Variants in ASAP2 observed in about 807,000 individuals in gnomAD.
ASAP2 encodes ArfGAP with SH3 domain, ankyrin repeat and PH domain 2.
In ASAP2, 45 loss-of-function variants were observed where a neutral mutation model predicts 131.4. The observed-to-expected ratio is 0.34, with a 90% CI of 0.27 to 0.44. ASAP2 has a LOEUF of 0.44. Ranked by LOEUF, ASAP2 falls within the 20% of genes least tolerant of loss-of-function variation. The probability of loss-of-function intolerance (pLI) is 1.00; values close to 1 mark genes in which losing one functional copy is unlikely to be tolerated. For missense variants in ASAP2, 1,011 were observed against 1,297.0 expected (o/e 0.78, Z 3.39); for synonymous variants, 510 against 503.0 (o/e 1.01, Z -0.19).
At chr2:9,262,208 G>C (rs769828411) in intron 1 of ASAP2, among the ~76,000 whole-genome samples, 1 of 152,158 alleles carries the variant, frequency 6.6e-6, no homozygotes, top group Non-Finnish European at 1.5e-5. Context: ...GAAATGAAAG[G>C]CTGGTATAAG....
chr2:9,279,221 T>C, intron 1 of ASAP2, 96 bp from the exon 2 acceptor site: 2 of 1,180,290 alleles, frequency 1.7e-6, no homozygotes, highest in East Asian at 4.7e-5. Flanking sequence ...CCTAGGGACC[T>C]GGCAGAGGCA....
rs527602528 is a variant in ASAP2, at chr2:9,255,600, G to A, written c.127-23717G>A. Among the ~76,000 whole-genome samples, 14 of 152,308 alleles carry A rather than the reference G, an allele frequency of 9.2e-5. No homozygotes were observed. The East Asian group carries it at 9.7e-4, about 11-fold the overall frequency. ...TGCCGTGGATTCGGCAGATGGTGTC[G>A]TCAGAGATTATGGAGTTCAAGCCAC... On this transcript the variant is annotated intron_variant, in intron 1 of 27. Transcript: ENST00000281419.
chr2:9,243,270 A>G (rs1664105069), intron 1 of ASAP2, among the ~76,000 whole-genome samples: 1 of 152,172 alleles, frequency 6.6e-6, no homozygotes, highest in Non-Finnish European at 1.5e-5. Context: ...CACCACGCCC[A>G]GCTAATTTTT....
chr2:9,228,386 A>G (rs939069950), intron 1 of ASAP2, among the ~76,000 whole-genome samples: 1 of 152,152 alleles, frequency 6.6e-6, no homozygotes, highest in Non-Finnish European at 1.5e-5. Flanking sequence ...AAGATTTGAG[A>G]TGATGGCTAA....
intron 1 of ASAP2, among the ~76,000 whole-genome samples, chr2:9,244,347 AGTACCTTAGCAAG>A (rs1296239696): frequency 6.6e-6 from 1 of 152,234 alleles, no homozygotes; most frequent in African/African-American, 2.4e-5. Flanking sequence ...TCCACCATAC[AGTACCTTAGCAAG>A]GTACACTGAG....
At chr2:9,212,619 G>A (rs746522288) in intron 1 of ASAP2, among the ~76,000 whole-genome samples, 137 of 152,254 alleles carry the variant, frequency 9.0e-4, no homozygotes, top group African/African-American at 2.2e-3. Flanking sequence ...TGCACCCCAC[G>A]TTTCCAGGCA....
intron 19 of ASAP2, 142 bp from the exon 20 acceptor site, chr2:9,380,599 A>G (rs1302043535): frequency 2.5e-6 from 2 of 801,386 alleles, no homozygotes; most frequent in Non-Finnish European, 4.5e-6. Context: ...AGCCTCGACT[A>G]GGTCAAACTC....
chr2:9,298,755 G>T (rs1668307249), intron 3 of ASAP2, among the ~76,000 whole-genome samples: 1 of 152,214 alleles, frequency 6.6e-6, no homozygotes, highest in Admixed American at 6.5e-5. Context: ...AGAAAAGTCA[G>T]TTGGCTGCCT....
intron 3 of ASAP2, among the ~76,000 whole-genome samples, chr2:9,310,037 C>T (rs955077108): frequency 6.6e-6 from 1 of 152,214 alleles, no homozygotes; most frequent in African/African-American, 2.4e-5. Flanking sequence ...GTTAATGCTG[C>T]AGCCTCTGCT....
At chr2:9,263,439 G>T (rs1272336670) in intron 1 of ASAP2, among the ~76,000 whole-genome samples, 1 of 152,192 alleles carries the variant, frequency 6.6e-6, no homozygotes, top group Admixed American at 6.5e-5. Context: ...CCAAAATGTG[G>T]CTTTTCCTTT....
intron 16 of ASAP2, among the ~76,000 whole-genome samples, chr2:9,369,758 C>T (rs186064899): frequency 5.3e-5 from 8 of 152,334 alleles, no homozygotes; most frequent in African/African-American, 1.9e-4. Flanking sequence ...CACGAGTCTT[C>T]CCAAAGGACA....
rs377549631 is a variant in ASAP2, at chr2:9,235,275, G to T, written c.126+28045G>T. On this transcript the variant is annotated intron_variant, in intron 1 of 27. Coordinates refer to ENST00000281419, the MANE Select transcript of ASAP2 (RefSeq NM_003887.3). Reference sequence around the variant, plus strand: ...AGATGGCTGGTCGTCCTGTGCACCAGTGTGGCAGGGATGGAGCTTGTGCCA... The same window carrying T: ...AGATGGCTGGTCGTCCTGTGCACCATTGTGGCAGGGATGGAGCTTGTGCCA... Among the ~76,000 whole-genome samples, 23 of 152,308 alleles carry T rather than the reference G, an allele frequency of 1.5e-4. No homozygotes were observed. In the East Asian group the frequency reaches 1.7e-3, roughly 12 times the overall value.
At chr2:9,312,070 A>G (rs1209382090) in intron 3 of ASAP2, among the ~76,000 whole-genome samples, 1 of 152,230 alleles carries the variant, frequency 6.6e-6, no homozygotes, top group Non-Finnish European at 1.5e-5. Flanking sequence ...TTTCAAGTGT[A>G]CACATCAGTG....
rs150628027 is a variant in ASAP2 at position 9,323,202 on chromosome 2, C to T, written c.552C>T (p.Ala184=). 2.4e-4 allele frequency: 390 copies of T among 1,614,202 alleles called. 1 individual carries two copies. The African/African-American group carries it at 4.1e-3, about 17-fold the overall frequency. The part of the protein sequence containing the change: ...IRTEISGAEI[A]EEMEKERRFF... ...CTGAAATAAGCGGAGCGGAAATTGC[C>T]GAAGAGATGGAAAAGGAGAGGCGCT... The change falls in exon 6 of 28, where the codon GCC becomes GCT. Residue 184 remains alanine (A), a synonymous_variant. Transcript: ENST00000281419.
At position 9,401,255 on chromosome 2, in the gene ASAP2, G is replaced by A; in HGVS notation, c.2824-19G>A. The A allele has an allele frequency of 5.0e-6, 8 of 1,613,242 alleles. No individual in the cohort carries two copies. The highest frequency in any genetic ancestry group is 5.9e-6 in the Non-Finnish European group (7 of 1,179,824). On this transcript the variant is annotated intron_variant, in intron 26 of 27. Coordinates refer to ENST00000281419, the MANE Select transcript of ASAP2 (RefSeq NM_003887.3). ...GAGGCCTGCAGCCACACTAACCGTT[G>A]TTCCCTCTCCTGACCCAGACCAAGT... is the stretch of plus-strand genomic sequence containing the variant.
intron 11 of ASAP2, among the ~76,000 whole-genome samples, chr2:9,345,698 A>G (rs1174175192): frequency 6.6e-6 from 1 of 152,058 alleles, no homozygotes; most frequent in Non-Finnish European, 1.5e-5. Flanking sequence ...GTGTGAGTGG[A>G]TGATAGTAAC....
At chr2:9,399,631 G>A (rs60292178) in intron 24 of ASAP2, 9,759 of 244,254 alleles carry the variant, frequency 0.04, 592 homozygotes, top group African/African-American at 0.13. Context: ...GCTCGGACCC[G>A]TCCTGGCAAA....
chr2:9,373,151 C>T (rs148732973), intron 16 of ASAP2, among the ~76,000 whole-genome samples: 492 of 152,204 alleles, frequency 3.2e-3, no homozygotes, highest in Non-Finnish European at 5.6e-3. Context: ...GTTGAGGCAC[C>T]CGCCTTAACC....
Position 9,374,767 on chromosome 2 carries a change from G to T in ASAP2, c.1569G>T (p.Lys523Asn), listed in dbSNP as rs769838212. Reference sequence around the variant, plus strand: ...CGTTTGGTTTCAGGAATGCAAGAAAGGACTACATCACAGCCAAGTACATCG... The same window carrying T: ...CGTTTGGTTTCAGGAATGCAAGAAATGACTACATCACAGCCAAGTACATCG... The part of the protein sequence containing the change: ...PNPGSDMNAR[K>N]DYITAKYIER... The change falls in exon 17 of 28, where the codon AAG (lysine) becomes AAT (asparagine). Residue 523 changes from lysine (K) to asparagine (N), a missense_variant. Coordinates refer to ENST00000281419, the MANE Select transcript of ASAP2 (RefSeq NM_003887.3). 6.3e-7 allele frequency: 1 copy of T among 1,599,046 alleles called. No individual in the cohort carries two copies.
Sources: gnomAD v4.1 joint callset for allele counts (sites outside exome capture counted in the v4.1 genomes callset) on GRCh38, gnomAD v4.1.1 for gene constraint, MANE v1.5 for transcripts, NCBI Gene and HGNC (gene_info 2026-07-23, HGNC 2026-07-21) for gene names.